KCNK9: variants seen among roughly 807,000 people sequenced by gnomAD.
KCNK9 encodes potassium two pore domain channel subfamily K member 9, also known as potassium channel subfamily K member 9.
In KCNK9, 1 loss-of-function variant was observed where a neutral mutation model predicts 10.8. That is an observed-to-expected ratio of 0.09 (90% CI 0.03 to 0.44). The LOEUF (loss-of-function observed/expected upper bound fraction) is 0.44, where lower values mean the gene tolerates loss of function less well. Ranked by LOEUF, KCNK9 falls within the 20% of genes least tolerant of loss-of-function variation. KCNK9 has a pLI of 0.97. For missense variants in KCNK9, 303 were observed against 515.0 expected, an observed-to-expected ratio of 0.59 and a Z score of 3.98; for synonymous variants, 231 against 222.7, an observed-to-expected ratio of 1.04 and a Z score of -0.33.
intron 1 of KCNK9, among the ~76,000 whole-genome samples, chr8:139,660,218 A>C (rs1445183303): frequency 6.6e-6 from 1 of 152,170 alleles, no homozygotes. Context: ...CCTAAAAAGC[A>C]CTTAGAGCAC....
chr8:139,623,793 A>T (rs1400422821), intron 1 of KCNK9, among the ~76,000 whole-genome samples: 1 of 152,118 alleles, frequency 6.6e-6, no homozygotes, highest in African/African-American at 2.4e-5. Context: ...TCCCTTTGGC[A>T]ATGAGACTTC....
intron 1 of KCNK9, 116 bp from the exon 2 acceptor site, chr8:139,619,215 G>A: frequency 8.5e-7 from 1 of 1,183,188 alleles, no homozygotes; most frequent in East Asian, 2.5e-5. Context: ...CTGGTACTGG[G>A]GGAATTTCCT....
At chr8:139,619,207 G>A (rs1814699727) in intron 1 of KCNK9, 108 bp from the exon 2 acceptor site, 3 of 1,246,850 alleles carry the variant, frequency 2.4e-6, no homozygotes, top group East Asian at 4.9e-5. Context: ...AGAGGGACCT[G>A]GTACTGGGGG....
chr8:139,628,214 T>C (rs1318428364), intron 1 of KCNK9, among the ~76,000 whole-genome samples: 1 of 152,188 alleles, frequency 6.6e-6, no homozygotes, highest in African/African-American at 2.4e-5. Flanking sequence ...TACACGGCTC[T>C]CCATCTCCTT....
intron 1 of KCNK9, among the ~76,000 whole-genome samples, chr8:139,630,023 G>T (rs1239790581): frequency 5.3e-5 from 8 of 150,296 alleles, no homozygotes. Context: ...CACCTATGGG[G>T]ACAGAAAGCA....
At chr8:139,676,348 T>C (rs1165591383) in intron 1 of KCNK9, among the ~76,000 whole-genome samples, 1 of 152,240 alleles carries the variant, frequency 6.6e-6, no homozygotes, top group Admixed American at 6.5e-5. Flanking sequence ...TGGCTACTTG[T>C]TGTCTCCTGC....
rs1816815860 is a variant in KCNK9, at chr8:139,687,374, A to ATATATT, written c.283+15335_283+15336insAATATA. ...TATATGTATACATATATATGTGTAT[A>ATATATT]CATATATATGAATATATATGTGTAT... On this transcript the variant is annotated intron_variant, in intron 1 of 1. Coordinates refer to ENST00000520439, the MANE Select transcript of KCNK9 (RefSeq NM_001282534.2). 3.6e-5 allele frequency among the ~76,000 whole-genome samples: 5 copies of ATATATT among 137,688 alleles called. 1 individual carries two copies. Among genetic ancestry groups the ATATATT allele is most frequent in the African/African-American group, 1.1e-4 (4 of 37,818 alleles). The allele number at this position is 137,688 out of a possible 152,430, so 90.3% of individuals were successfully genotyped here.
chr8:139,656,986 C>T (rs780245946), intron 1 of KCNK9, among the ~76,000 whole-genome samples: 3 of 152,212 alleles, frequency 2.0e-5, no homozygotes, highest in Non-Finnish European at 2.9e-5. Context: ...GGCCTCAGTA[C>T]CCATTCCAAA....
intron 1 of KCNK9, among the ~76,000 whole-genome samples, chr8:139,661,593 C>T (rs1816152655): frequency 6.6e-6 from 1 of 152,176 alleles, no homozygotes. Context: ...GGCGAGGTAT[C>T]CTGAGCGCCC....
chr8:139,653,071 T>C (rs1323055963), intron 1 of KCNK9, among the ~76,000 whole-genome samples: 1 of 152,162 alleles, frequency 6.6e-6, no homozygotes, highest in Non-Finnish European at 1.5e-5. Flanking sequence ...ACTCCTCAAA[T>C]GCTGCCAGGC....
intron 1 of KCNK9, among the ~76,000 whole-genome samples, chr8:139,622,246 G>A (rs988488799): frequency 1.2e-4 from 19 of 152,160 alleles, no homozygotes. Context: ...CATTTCCTGT[G>A]GTCCCAGTGG....
At chr8:139,643,331 C>T (rs1815566626) in intron 1 of KCNK9, among the ~76,000 whole-genome samples, 1 of 152,228 alleles carries the variant, frequency 6.6e-6, no homozygotes, top group African/African-American at 2.4e-5. Context: ...CATTTCTATT[C>T]CCCAACGTCC....
chr8:139,640,637 C>G (rs139051582), intron 1 of KCNK9, among the ~76,000 whole-genome samples: 195 of 152,368 alleles, frequency 1.3e-3, no homozygotes, highest in African/African-American at 4.5e-3. Flanking sequence ...ACCACAACCC[C>G]TCTTGCCCTG....
rs569073855 is a variant in KCNK9 at position 139,651,149 on chromosome 8, C to G, written c.284-32050G>C. Among the ~76,000 whole-genome samples, 8 of 152,276 alleles carry G rather than the reference C, an allele frequency of 5.3e-5. No homozygotes were observed. The South Asian group carries it at 1.5e-3, about 28-fold the overall frequency. Reference sequence around the variant, plus strand: ...CCTTCTGCTTCTTCCCAGCTGCAAGCCTAAGGCCTAGGAAATTCCCTCTAG... The same window carrying G: ...CCTTCTGCTTCTTCCCAGCTGCAAGGCTAAGGCCTAGGAAATTCCCTCTAG... On this transcript the variant is annotated intron_variant, in intron 1 of 1. Coordinates refer to ENST00000520439, the MANE Select transcript of KCNK9 (RefSeq NM_001282534.2).
downstream of KCNK9, among the ~76,000 whole-genome samples, chr8:139,608,624 G>C (rs924125063): frequency 1.3e-5 from 2 of 151,980 alleles, no homozygotes; most frequent in Non-Finnish European, 2.9e-5. Context: ...GGCTTTGCGG[G>C]GGGGCGGGGC....
chr8:139,675,494 CTCTT>C (rs1816528600), intron 1 of KCNK9, among the ~76,000 whole-genome samples: 1 of 152,214 alleles, frequency 6.6e-6, no homozygotes. Flanking sequence ...AGCCAGCTCA[CTCTT>C]TCTCCACCAC....
At chr8:139,675,211 A>G (rs1586683191) in intron 1 of KCNK9, among the ~76,000 whole-genome samples, 3 of 152,272 alleles carry the variant, frequency 2.0e-5, no homozygotes, top group Admixed American at 6.5e-5. Flanking sequence ...CATTCGGGAC[A>G]TGGGGCCGCA....
rs186905571 is a variant in KCNK9 at position 139,674,891 on chromosome 8, G to C, written c.283+27819C>G. On this transcript the variant is annotated intron_variant, in intron 1 of 1. Transcript: ENST00000520439. ...AGTTCCCCTGGCCTGGCACCCCAGG[G>C]ACATGGCTCTTCCTCCCCCCGAAGC... Among the ~76,000 whole-genome samples the C allele has an allele frequency of 1.7e-3, 262 of 152,228 alleles. 1 individual carries two copies. The highest frequency in any genetic ancestry group is 3.2e-3 in the Non-Finnish European group (215 of 67,998).
chr8:139,626,241 T>G (rs774354788), intron 1 of KCNK9, among the ~76,000 whole-genome samples: 34 of 152,342 alleles, frequency 2.2e-4, no homozygotes, highest in Admixed American at 3.9e-4. Context: ...CATCCACACC[T>G]GACCATGAGT....
Sources: allele counts gnomAD v4.1 joint callset (sites outside exome capture counted in the v4.1 genomes callset), GRCh38; gene constraint gnomAD v4.1.1; transcripts MANE v1.5; gene names NCBI Gene and HGNC (gene_info 2026-07-23, HGNC 2026-07-21).